ZSCAN18: variants seen among roughly 807,000 people sequenced by gnomAD.
The protein encoded by ZSCAN18 is zinc finger and SCAN domain containing 18.
ZSCAN18 carries 16 observed loss-of-function variants against 31.1 expected under a neutral mutation model. That is an observed-to-expected ratio of 0.51 (90% CI 0.35 to 0.78). ZSCAN18 has a LOEUF of 0.78. ZSCAN18 is among the 30% of genes least tolerant of loss of function. The pLI is 0.01. For missense variants in ZSCAN18, 731 were observed against 697.4 expected, an observed-to-expected ratio of 1.05 and a Z score of -0.54; for synonymous variants, 375 against 320.7, an observed-to-expected ratio of 1.17 and a Z score of -1.81.
intron 1 of ZSCAN18, among the ~76,000 whole-genome samples, chr19:58,110,408 C>G (rs949739074): frequency 1.3e-5 from 2 of 152,090 alleles, no homozygotes; most frequent in Non-Finnish European, 2.9e-5. Flanking sequence ...CCAACCCACT[C>G]GGCCCCTCTG....
chr19:58,093,592 G>A (rs1401935764), intron 1 of ZSCAN18, among the ~76,000 whole-genome samples: 2 of 152,136 alleles, frequency 1.3e-5, no homozygotes, highest in African/African-American at 2.4e-5. Context: ...ATCTCTGAGG[G>A]CGGGTAAACT....
intron 1 of ZSCAN18, among the ~76,000 whole-genome samples, chr19:58,107,208 G>A (rs1343229815): frequency 6.6e-6 from 1 of 152,102 alleles, no homozygotes; most frequent in Non-Finnish European, 1.5e-5. Context: ...TCAACAAGCA[G>A]CCATATTTTG....
At position 58,085,434 on chromosome 19, in the gene ZSCAN18, A is replaced by T. The variant is rs145514475; in HGVS notation, c.839-55T>A. The T allele has an allele frequency of 5.5e-4, 804 of 1,453,278 alleles. 1 individual carries two copies. In the African/African-American group the frequency reaches 0.01, roughly 19 times the overall value. The allele number at this position is 1,453,278 out of a possible 1,614,324, so 90.0% of individuals were successfully genotyped here. On this transcript the variant is annotated intron_variant, in intron 6 of 6. Coordinates refer to ENST00000601144, the MANE Select transcript of ZSCAN18 (RefSeq NM_001145543.2). Reference sequence around the variant, plus strand: ...CGCCCCGCCCAGGGCCAGGGAGAGGAGGACCCAGCCGAGCCTCAGCTGCCG... The same window carrying T: ...CGCCCCGCCCAGGGCCAGGGAGAGGTGGACCCAGCCGAGCCTCAGCTGCCG...
intron 4 of ZSCAN18, 95 bp downstream of exon 4, chr19:58,087,221 G>A: frequency 7.5e-7 from 1 of 1,329,372 alleles, no homozygotes; most frequent in Non-Finnish European, 1.0e-6. Context: ...GTGGACGTTT[G>A]GGGCCACAGC....
chr19:58,101,743 C>T (rs2146018094), upstream of ZSCAN18, among the ~76,000 whole-genome samples: 1 of 151,672 alleles, frequency 6.6e-6, no homozygotes, highest in South Asian at 2.1e-4. Flanking sequence ...TGGTCTCAAA[C>T]TCTTGACCTC....
chr19:58,084,296 G>C lies in ZSCAN18; in HGVS notation c.*389C>G. ...CAAAATTTCCACTTGAGCAACCCTG[G>C]GGAGCGCAAACAGGAGGAATCGGGG... is the stretch of plus-strand genomic sequence containing the variant. On this transcript the variant is annotated 3_prime_UTR_variant, in exon 7 of 7. Transcript: ENST00000601144. The surrounding 1 kb of genome is among the most constrained non-coding windows in gnomAD (Gnocchi z 4.5). The C allele has an allele frequency of 5.4e-6, 1 of 185,136 alleles. No individual in the cohort carries two copies. Among genetic ancestry groups the C allele is most frequent in the Non-Finnish European group, 1.1e-5 (1 of 90,200 alleles). The allele number at this position is 185,136 out of a possible 1,614,324, so 11.5% of individuals were successfully genotyped here. A position where few individuals can be genotyped will look rare whatever the true frequency, so the allele number is the denominator to read the frequency against.
chr19:58,098,870 T>A (rs1431892229), upstream of ZSCAN18, among the ~76,000 whole-genome samples: 2 of 151,924 alleles, frequency 1.3e-5, no homozygotes, highest in African/African-American at 2.4e-5. Flanking sequence ...CTAAAATGGG[T>A]TCTACAGTTT....
intron 5 of ZSCAN18, 90 bp downstream of exon 5, chr19:58,086,816 G>T: frequency 3.1e-6 from 3 of 977,284 alleles, no homozygotes; most frequent in Non-Finnish European, 4.7e-6. Context: ...CAGTGTCCCA[G>T]CCAAAGTCCC....
At chr19:58,102,749 T>G (rs982047331), upstream of ZSCAN18, among the ~76,000 whole-genome samples, 1 of 148,926 alleles carries the variant, frequency 6.7e-6, no homozygotes, top group African/African-American at 2.4e-5. Flanking sequence ...GGACTCTCAC[T>G]AGTCATTCAA....
upstream of ZSCAN18, among the ~76,000 whole-genome samples, chr19:58,101,299 A>ATTTT (rs71188078): frequency 2.3e-4 from 25 of 108,344 alleles, no homozygotes; most frequent in African/African-American, 5.1e-4. Context: ...TGCCCAGCTA[A>ATTTT]TTTTTTTTTT....
Position 58,085,395 on chromosome 19 carries a change from A to G in ZSCAN18, c.839-16T>C, listed in dbSNP as rs771555229. On this transcript the variant is annotated splice_polypyrimidine_tract_variant and intron_variant, in intron 6 of 6. Transcript: ENST00000601144. The stretch of plus-strand genomic sequence containing the variant: ...CTCCCGCCTTCTGGAACAAGGTCAG[A>G]GCCCTAGCGTGAGCGCCCCGCCCAG... 6.4e-7 allele frequency: 1 copy of G among 1,566,842 alleles called. No individual in the cohort carries two copies. The highest frequency in any genetic ancestry group is 8.6e-7 in the Non-Finnish European group (1 of 1,165,436).
chr19:58,099,054 A>G (rs1303843237), upstream of ZSCAN18, among the ~76,000 whole-genome samples: 1 of 152,224 alleles, frequency 6.6e-6, no homozygotes, highest in Non-Finnish European at 1.5e-5. Context: ...TTTTCCAGAT[A>G]GAGGCGCTTA....
rs748525601 is a variant in ZSCAN18 at position 58,084,675 on chromosome 19, G to A, written c.*10C>T. The A allele has an allele frequency of 6.7e-7, 1 of 1,483,826 alleles. No homozygotes were observed. The highest frequency in any genetic ancestry group is 8.9e-7 in the Non-Finnish European group (1 of 1,126,846). The allele number at this position is 1,483,826 out of a possible 1,614,324, so 91.9% of individuals were successfully genotyped here. On this transcript the variant is annotated 3_prime_UTR_variant, in exon 7 of 7. Transcript: ENST00000601144. This position sits in a 1 kb window ranked among gnomAD's most constrained non-coding sequence, Gnocchi z 4.5. ...AAAGCGGCCCCTCCGGAACGGGACA[G>A]CACAGCGGCTCACCTCTGCGCCTCT...
chr19:58,097,968 C>T, intron 1 of ZSCAN18: 2 of 985,632 alleles, frequency 2.0e-6, no homozygotes, highest in African/African-American at 1.7e-5. Flanking sequence ...ATCTCAGCCA[C>T]CTCCGGGGGG....
intron 1 of ZSCAN18, chr19:58,118,239 C>G: frequency 8.2e-7 from 1 of 1,222,746 alleles, no homozygotes. Context: ...CCGCCCAGCC[C>G]CAGCCGCTCT....
At chr19:58,104,551 A>C (rs2074619954) in intron 1 of ZSCAN18, among the ~76,000 whole-genome samples, 1 of 151,754 alleles carries the variant, frequency 6.6e-6, no homozygotes, top group Admixed American at 6.6e-5. Flanking sequence ...ATACAAAAAA[A>C]ATTAGCCAGG....
At chr19:58,107,144 T>G (rs1009451671) in intron 1 of ZSCAN18, among the ~76,000 whole-genome samples, 1 of 152,192 alleles carries the variant, frequency 6.6e-6, no homozygotes, top group Non-Finnish European at 1.5e-5. Context: ...CATGTTGTGT[T>G]AGCAGGTGTG....
At chr19:58,116,951 G>C (rs962822466) in intron 1 of ZSCAN18, among the ~76,000 whole-genome samples, 2 of 152,156 alleles carry the variant, frequency 1.3e-5, no homozygotes, top group East Asian at 1.9e-4. Context: ...GCAGTGGCAT[G>C]ATCTTGGCTC....
At chr19:58,085,420 G>C in intron 6 of ZSCAN18, 41 bp from the exon 7 acceptor site, 1 of 1,498,380 alleles carries the variant, frequency 6.7e-7, no homozygotes, top group South Asian at 1.3e-5. Flanking sequence ...GCCCCGCCCA[G>C]GGCCAGGGAG....
Sources: gnomAD v4.1 joint callset for allele counts (sites outside exome capture counted in the v4.1 genomes callset) on GRCh38, gnomAD v4.1.1 for gene constraint, Gnocchi (gnomAD v3.1) non-coding constraint, MANE v1.5 for transcripts, NCBI Gene and HGNC (gene_info 2026-07-23, HGNC 2026-07-21) for gene names.